Variants in UBASH3B observed in about 807,000 individuals in gnomAD.
UBASH3B encodes the protein ubiquitin associated and SH3 domain containing B.
In UBASH3B, 37 loss-of-function variants were observed where a neutral mutation model predicts 83.4. The ratio of observed to expected loss-of-function variants is 0.44; its 90% CI spans 0.34 to 0.58. UBASH3B has a LOEUF of 0.58. UBASH3B is among the 20% of genes least tolerant of loss of function. The pLI is 0.01. For synonymous variants in UBASH3B, 304 were observed against 318.3 expected, an observed-to-expected ratio of 0.96 and a Z score of 0.48; for missense variants, 657 against 827.2, an observed-to-expected ratio of 0.79 and a Z score of 2.52.
At chr11:122,796,300 A>G (rs1861155733) in intron 8 of UBASH3B, 24 bp downstream of exon 8, 2 of 1,613,102 alleles carry the variant, frequency 1.2e-6, no homozygotes, top group East Asian at 2.2e-5. Flanking sequence ...GGGCCTGCTC[A>G]GCACTGCCAT....
At chr11:122,674,601 T>A (rs1370016934) in intron 1 of UBASH3B, among the ~76,000 whole-genome samples, 1 of 152,110 alleles carries the variant, frequency 6.6e-6, no homozygotes, top group African/African-American at 2.4e-5. Flanking sequence ...CAGGACGGTC[T>A]TGATCTCCTG....
intron 1 of UBASH3B, among the ~76,000 whole-genome samples, chr11:122,693,909 A>G (rs541244085): frequency 9.9e-5 from 15 of 152,268 alleles, no homozygotes; most frequent in African/African-American, 3.6e-4. Flanking sequence ...TGATGAGGCT[A>G]AGCGATGCAT....
At chr11:122,666,261 C>G (rs1240643579) in intron 1 of UBASH3B, among the ~76,000 whole-genome samples, 1 of 152,226 alleles carries the variant, frequency 6.6e-6, no homozygotes, top group African/African-American at 2.4e-5. Flanking sequence ...CGTTCGCTCC[C>G]TAAGTGTTTA....
chr11:122,682,687 G>A (rs1255867298), intron 1 of UBASH3B, among the ~76,000 whole-genome samples: 1 of 152,106 alleles, frequency 6.6e-6, no homozygotes, highest in Non-Finnish European at 1.5e-5. Flanking sequence ...CCAGCTCTGG[G>A]CTGCCTGTAG....
chr11:122,664,044 C>T (rs1042686824), intron 1 of UBASH3B, among the ~76,000 whole-genome samples: 4 of 152,134 alleles, frequency 2.6e-5, no homozygotes, highest in African/African-American at 9.7e-5. Flanking sequence ...GTTCCTTGGT[C>T]GCCTTCCACT....
chr11:122,785,683 T>A (rs772890074), intron 5 of UBASH3B, among the ~76,000 whole-genome samples: 1 of 152,242 alleles, frequency 6.6e-6, no homozygotes, highest in Non-Finnish European at 1.5e-5. Context: ...CTTCAAATCC[T>A]GGCTCCATCA....
At chr11:122,760,584 A>T (rs1189148680) in intron 1 of UBASH3B, among the ~76,000 whole-genome samples, 1 of 152,102 alleles carries the variant, frequency 6.6e-6, no homozygotes, top group Non-Finnish European at 1.5e-5. Context: ...GCTGGTCTTG[A>T]ACTCCTGACC....
At chr11:122,692,780 A>G (rs1458467965) in intron 1 of UBASH3B, among the ~76,000 whole-genome samples, 1 of 152,226 alleles carries the variant, frequency 6.6e-6, no homozygotes, top group Non-Finnish European at 1.5e-5. Context: ...CTGGCAACAG[A>G]AATAGAAGAC....
chr11:122,680,077 C>T (rs569102920), intron 1 of UBASH3B, among the ~76,000 whole-genome samples: 2 of 152,250 alleles, frequency 1.3e-5, no homozygotes, highest in African/African-American at 2.4e-5. Context: ...GTGATCCATC[C>T]GCCTCGGCCT....
rs1448946587 is a variant in UBASH3B at position 122,758,785 on chromosome 11, A to G, written c.162-17434A>G. 6.6e-6 allele frequency among the ~76,000 whole-genome samples: 1 copy of G among 152,234 alleles called. No individual in the cohort carries two copies. The highest frequency in any genetic ancestry group is 2.4e-5 in the African/African-American group (1 of 41,458). On this transcript the variant is annotated intron_variant, in intron 1 of 13. Coordinates refer to ENST00000284273, the MANE Select transcript of UBASH3B (RefSeq NM_032873.5). This position sits in a 1 kb window ranked among gnomAD's most constrained non-coding sequence, Gnocchi z 4.2. ...TTAACTGATGGCAGGAGCGAAATGC[A>G]ATGAATTCAGATCAGCAATTTCCAC...
chr11:122,736,170 T>C (rs1860928784), intron 1 of UBASH3B, among the ~76,000 whole-genome samples: 1 of 152,016 alleles, frequency 6.6e-6, no homozygotes, highest in African/African-American at 2.4e-5. Context: ...TCAAGAATGC[T>C]TCCTAACTTC....
At chr11:122,750,402 ATGT>A (rs149041743) in intron 1 of UBASH3B, among the ~76,000 whole-genome samples, 6,637 of 152,244 alleles carry the variant, frequency 0.044, 174 homozygotes, top group Middle Eastern at 0.085. Context: ...CCCCCACAGA[ATGT>A]TGTTGTGATT....
chr11:122,699,503 TTCTTTCTTTCTTTC>T (rs745457672), intron 1 of UBASH3B, among the ~76,000 whole-genome samples: 2,536 of 140,988 alleles, frequency 0.018, 42 homozygotes, highest in East Asian at 0.032. Context: ...TTTTAAATCT[TTCTTTCTTTCTTTC>T]TCTTTCTTTC....
intron 1 of UBASH3B, among the ~76,000 whole-genome samples, chr11:122,757,366 G>A (rs1861298279): frequency 6.6e-6 from 1 of 152,158 alleles, no homozygotes; most frequent in African/African-American, 2.4e-5. Context: ...CCTGGAAGGG[G>A]CCCCTCCCCA....
chr11:122,797,015 A>G lies in UBASH3B; in HGVS notation c.1339A>G (p.Met447Val), dbSNP rs1861168803. Residue 447 changes from methionine to valine, a missense_variant, in exon 9 of 14, where the codon ATG becomes GTG. Physicochemically the swap from Met to Val is conservative, Grantham distance 21. Coordinates refer to ENST00000284273, the MANE Select transcript of UBASH3B (RefSeq NM_032873.5). The stretch of plus-strand genomic sequence containing the variant: ...TGCTCCCATCACTGTGTTTGGATGC[A>G]TGCAAGCAAGACTAGTGGGTAAGTA... The part of the protein sequence containing the change: ...KDAPITVFGC[M>V]QARLVGEALL... The G allele has an allele frequency of 6.2e-7, 1 of 1,612,136 alleles. No homozygotes were observed.
At chr11:122,718,158 C>T (rs1424298502) in intron 1 of UBASH3B, among the ~76,000 whole-genome samples, 1 of 152,168 alleles carries the variant, frequency 6.6e-6, no homozygotes, top group African/African-American at 2.4e-5. Flanking sequence ...CTCCTAACCT[C>T]AAGTGATCCT....
At chr11:122,746,272 G>A (rs760478184) in intron 1 of UBASH3B, among the ~76,000 whole-genome samples, 7 of 152,194 alleles carry the variant, frequency 4.6e-5, no homozygotes, top group East Asian at 1.9e-4. Flanking sequence ...AAACTCACAC[G>A]TCTATGGGTG....
intron 13 of UBASH3B, among the ~76,000 whole-genome samples, chr11:122,808,700 A>G (rs568704983): frequency 1.1e-4 from 17 of 152,348 alleles, no homozygotes; most frequent in Non-Finnish European, 2.4e-4. Context: ...TTTTCTGGTC[A>G]GCTGCCTCCC....
intron 9 of UBASH3B, 109 bp downstream of exon 9, chr11:122,797,142 C>A: frequency 7.2e-7 from 1 of 1,397,148 alleles, no homozygotes; most frequent in Non-Finnish European, 9.7e-7. Flanking sequence ...AACTTTCCTA[C>A]AAGTTTCCTC....
Sources: allele counts gnomAD v4.1 joint callset (sites outside exome capture counted in the v4.1 genomes callset), GRCh38; gene constraint gnomAD v4.1.1; non-coding constraint Gnocchi (gnomAD v3.1); transcripts MANE v1.5; gene names NCBI Gene and HGNC (gene_info 2026-07-23, HGNC 2026-07-21).